PPM1H: variants seen among roughly 807,000 people sequenced by gnomAD.
PPM1H encodes the protein protein phosphatase 1H.
PPM1H carries 27 observed loss-of-function variants against 54.9 expected under a neutral mutation model. The observed-to-expected ratio is 0.49, with a 90% CI of 0.36 to 0.68. The LOEUF (loss-of-function observed/expected upper bound fraction) is 0.68. Ranked by LOEUF, PPM1H falls within the 30% of genes least tolerant of loss-of-function variation. PPM1H has a pLI of 0.00. For missense variants in PPM1H, 596 were observed against 667.8 expected (o/e 0.89, Z 1.19); for synonymous variants, 305 against 270.8 (o/e 1.13, Z -1.24).
At chr12:62,818,331 C>G (rs1262938734) in intron 2 of PPM1H, among the ~76,000 whole-genome samples, 1 of 152,094 alleles carries the variant, frequency 6.6e-6, no homozygotes, top group Non-Finnish European at 1.5e-5. Flanking sequence ...GTGTTTTCAC[C>G]TGAGTATGGC....
intron 8 of PPM1H, among the ~76,000 whole-genome samples, chr12:62,676,243 C>A (rs548075383): frequency 6.6e-6 from 1 of 152,274 alleles, no homozygotes; most frequent in Admixed American, 6.5e-5. Context: ...CATCACAAAC[C>A]CATTTTAGGA....
At chr12:62,751,406 C>A (rs1183249901) in intron 4 of PPM1H, among the ~76,000 whole-genome samples, 1 of 152,182 alleles carries the variant, frequency 6.6e-6, no homozygotes, top group African/African-American at 2.4e-5. Flanking sequence ...GAATGAGGAA[C>A]AATCTCATCA....
chr12:62,875,320 A>G (rs1307864932), intron 1 of PPM1H, among the ~76,000 whole-genome samples: 1 of 152,200 alleles, frequency 6.6e-6, no homozygotes, highest in African/African-American at 2.4e-5. Context: ...TAATCAGAAG[A>G]AAAGTGAGTG....
intron 6 of PPM1H, among the ~76,000 whole-genome samples, chr12:62,719,688 T>C (rs994391711): frequency 1.5e-4 from 23 of 152,216 alleles, no homozygotes; most frequent in Admixed American, 1.5e-3. Flanking sequence ...GCCTTGATAA[T>C]GAATCTTCAA....
chr12:62,668,726 G>A (rs1289600096), intron 8 of PPM1H, among the ~76,000 whole-genome samples: 1 of 152,182 alleles, frequency 6.6e-6, no homozygotes, highest in African/African-American at 2.4e-5. Context: ...GATGGGTCAG[G>A]GCACATGTCC....
intron 4 of PPM1H, among the ~76,000 whole-genome samples, chr12:62,777,174 G>A (rs2076615974): frequency 6.6e-6 from 1 of 152,202 alleles, no homozygotes; most frequent in South Asian, 2.1e-4. Flanking sequence ...AGGCAATTCT[G>A]TTGATGCAGT....
intron 6 of PPM1H, among the ~76,000 whole-genome samples, chr12:62,712,224 A>G (rs909566431): frequency 6.6e-6 from 1 of 152,120 alleles, no homozygotes; most frequent in Non-Finnish European, 1.5e-5. Context: ...CATCCTGGAT[A>G]ATCTATTGAG....
At chr12:62,857,015 A>G (rs998506213) in intron 1 of PPM1H, among the ~76,000 whole-genome samples, 1 of 152,202 alleles carries the variant, frequency 6.6e-6, no homozygotes, top group African/African-American at 2.4e-5. Context: ...TCTAATGTGT[A>G]TATGTGATCA....
At chr12:62,881,922 G>A (rs1484261928) in intron 1 of PPM1H, among the ~76,000 whole-genome samples, 2 of 151,972 alleles carry the variant, frequency 1.3e-5, no homozygotes, top group East Asian at 3.9e-4. Flanking sequence ...TTCTATGATG[G>A]ACATGTTCTA....
intron 1 of PPM1H, among the ~76,000 whole-genome samples, chr12:62,852,628 T>A (rs1283318383): frequency 1.3e-5 from 2 of 152,216 alleles, no homozygotes; most frequent in East Asian, 3.9e-4. Context: ...ATGACATAAT[T>A]GGTTTGGGCA....
intron 3 of PPM1H, among the ~76,000 whole-genome samples, chr12:62,799,288 C>G (rs2076752564): frequency 6.6e-6 from 1 of 152,164 alleles, no homozygotes; most frequent in South Asian, 2.1e-4. Context: ...CCTGAGACCC[C>G]TGTGGAGTCC....
At chr12:62,806,606 C>G (rs768461629) in intron 2 of PPM1H, among the ~76,000 whole-genome samples, 1 of 152,158 alleles carries the variant, frequency 6.6e-6, no homozygotes, top group African/African-American at 2.4e-5. Flanking sequence ...TGAGTGAGTT[C>G]TCACGAGATC....
chr12:62,797,167 T>C (rs963744982), intron 3 of PPM1H, among the ~76,000 whole-genome samples: 1 of 152,068 alleles, frequency 6.6e-6, no homozygotes, highest in Non-Finnish European at 1.5e-5. Flanking sequence ...TGATTCCACA[T>C]TGTTGAGCTC....
chr12:62,667,093 T>A, intron 9 of PPM1H, 85 bp downstream of exon 9: 1 of 1,416,844 alleles, frequency 7.1e-7, no homozygotes, highest in African/African-American at 1.4e-5. Flanking sequence ...AGTCATGAAT[T>A]ATGAAAATTG....
intron 5 of PPM1H, among the ~76,000 whole-genome samples, chr12:62,727,590 C>T (rs1276446419): frequency 6.6e-6 from 1 of 150,746 alleles, no homozygotes; most frequent in African/African-American, 2.4e-5. Flanking sequence ...ACTTAATAAG[C>T]CTGCAGATGA....
At chr12:62,878,675 C>T (rs1198884098) in intron 1 of PPM1H, among the ~76,000 whole-genome samples, 1 of 140,756 alleles carries the variant, frequency 7.1e-6, no homozygotes, top group East Asian at 2.3e-4. Flanking sequence ...CATGGTGGCT[C>T]ATGCCTGTAA....
chr12:62,694,346 G>A (rs1324723680), intron 6 of PPM1H, among the ~76,000 whole-genome samples: 2 of 152,194 alleles, frequency 1.3e-5, no homozygotes, highest in East Asian at 3.9e-4. Context: ...AAACAGCAGA[G>A]CTCAGAGATG....
At chr12:62,759,803 T>C (rs1328433495) in intron 4 of PPM1H, among the ~76,000 whole-genome samples, 1 of 151,286 alleles carries the variant, frequency 6.6e-6, no homozygotes, top group Non-Finnish European at 1.5e-5. Context: ...ATTTCCACTT[T>C]CCTGGGGGGC....
chr12:62,904,218 G>A (rs772785211), intron 1 of PPM1H, among the ~76,000 whole-genome samples: 2 of 151,918 alleles, frequency 1.3e-5, no homozygotes, highest in Non-Finnish European at 1.5e-5. Context: ...AGAGCTGTGG[G>A]GTACAAAATT....
Sources: gnomAD v4.1 joint callset for allele counts (sites outside exome capture counted in the v4.1 genomes callset) on GRCh38, gnomAD v4.1.1 for gene constraint, MANE v1.5 for transcripts, NCBI Gene and HGNC (gene_info 2026-07-23, HGNC 2026-07-21) for gene names.